NPR3: variants seen among roughly 807,000 people sequenced by gnomAD.
NPR3 encodes the protein natriuretic peptide receptor 3, also known as atrial natriuretic peptide receptor 3.
A neutral mutation model predicts 54.5 loss-of-function variants in NPR3; 34 were observed. That is an observed-to-expected ratio of 0.62 (90% CI 0.47 to 0.83). The LOEUF is 0.83. Ranked by LOEUF, NPR3 falls within the 40% of genes least tolerant of loss-of-function variation. NPR3 has a pLI of 0.00. For missense variants in NPR3, 674 were observed against 720.8 expected (o/e 0.94, Z 0.74); for synonymous variants, 289 against 297.1 (o/e 0.97, Z 0.28).
At chr5:32,708,154 T>C (rs544141936), upstream of NPR3, among the ~76,000 whole-genome samples, 19 of 152,228 alleles carry the variant, frequency 1.2e-4, no homozygotes, top group African/African-American at 4.6e-4. Context: ...TCTTTCATTT[T>C]GCAGCATTTT....
At chr5:32,717,973 G>T (rs1365469138) in intron 1 of NPR3, among the ~76,000 whole-genome samples, 1 of 152,076 alleles carries the variant, frequency 6.6e-6, no homozygotes, top group Non-Finnish European at 1.5e-5. Flanking sequence ...TTCTTCTAGG[G>T]TTTTTTATGG....
At chr5:32,695,041 T>G (rs543132950) in intron 1 of NPR3, among the ~76,000 whole-genome samples, 1 of 152,328 alleles carries the variant, frequency 6.6e-6, no homozygotes, top group South Asian at 2.1e-4. Flanking sequence ...AGGATCTCAT[T>G]CTTTATTATG....
intron 3 of NPR3, among the ~76,000 whole-genome samples, chr5:32,749,863 T>A (rs571554890): frequency 6.6e-6 from 1 of 152,300 alleles, no homozygotes; most frequent in African/African-American, 2.4e-5. Context: ...TTCTTCTCTG[T>A]ATAAGGTTAG....
chr5:32,778,860 A>T (rs749963220), intron 4 of NPR3, among the ~76,000 whole-genome samples: 6 of 152,228 alleles, frequency 3.9e-5, no homozygotes, highest in Admixed American at 6.5e-5. Flanking sequence ...GCTTAGCAGG[A>T]CACAACATCA....
intron 3 of NPR3, among the ~76,000 whole-genome samples, chr5:32,762,907 A>G (rs957172350): frequency 6.6e-6 from 1 of 152,180 alleles, no homozygotes; most frequent in Non-Finnish European, 1.5e-5. Flanking sequence ...GTCTTTGCCC[A>G]TGCCTATGTC....
At position 32,712,195 on chromosome 5, in the gene NPR3, C is replaced by T; in HGVS notation, c.419C>T (p.Ala140Val). The change falls in exon 1 of 8, where the codon GCA becomes GTA. Residue 140 changes from alanine (A) to valine (V), a missense_variant. Ala to Val is a moderately conservative substitution (Grantham distance 64). Transcript: ENST00000265074. ...LILGPVCEYA[A>V]APVARLASHW... Reference sequence around the variant, plus strand: ...CTGGGGCCAGTGTGCGAGTATGCAGCAGCGCCAGTGGCCCGGCTTGCATCG... The same window carrying T: ...CTGGGGCCAGTGTGCGAGTATGCAGTAGCGCCAGTGGCCCGGCTTGCATCG... 3 of 1,612,902 alleles carry T rather than the reference C, an allele frequency of 1.9e-6. No homozygotes were observed. Among genetic ancestry groups the T allele is most frequent in the Non-Finnish European group, 2.5e-6 (3 of 1,179,672 alleles).
Position 32,712,012 on chromosome 5 carries a change from C to A in NPR3, c.236C>A (p.Ala79Asp). Residue 79 changes from alanine (A) to aspartate (D), a missense_variant, in exon 1 of 8, where the codon GCT (alanine) becomes GAT (aspartate). Ala to Asp is a moderately radical substitution (Grantham distance 126). Transcript: ENST00000265074. ...LTRVRPAIEY[A>D]LRSVEGNGTG... ...CGGGTGCGGCCGGCCATCGAGTATGCTCTGCGCAGCGTGGAGGGCAACGGG... is the reference window on the plus strand; with the variant it reads ...CGGGTGCGGCCGGCCATCGAGTATGATCTGCGCAGCGTGGAGGGCAACGGG... 6.2e-7 allele frequency: 1 copy of A among 1,613,558 alleles called. No homozygotes were observed. Among genetic ancestry groups the A allele is most frequent in the Non-Finnish European group, 8.5e-7 (1 of 1,179,682 alleles).
intron 4 of NPR3, among the ~76,000 whole-genome samples, chr5:32,779,546 A>T (rs1457554730): frequency 6.6e-6 from 1 of 152,162 alleles, no homozygotes; most frequent in Non-Finnish European, 1.5e-5. Context: ...TCTTCCCAGA[A>T]ATCTCACAAT....
chr5:32,742,500 G>A (rs1480531740), intron 3 of NPR3, among the ~76,000 whole-genome samples: 1 of 151,904 alleles, frequency 6.6e-6, no homozygotes, highest in Non-Finnish European at 1.5e-5. Flanking sequence ...ATATAATTAA[G>A]TATATGTATG....
In NPR3 at chr5:32,789,324, C is replaced by T. The variant is rs1446852649; in HGVS notation, c.*2979C>T. ...GTAGGGGGAGACTCAGAAATAAAAG[C>T]GTTCCCCAGATAACTTCAATCTGGA... On this transcript the variant is annotated 3_prime_UTR_variant, in exon 8 of 8. Coordinates refer to ENST00000265074, the MANE Select transcript of NPR3 (RefSeq NM_001204375.2). 18 of 435,674 alleles carry T rather than the reference C, an allele frequency of 4.1e-5. No individual in the cohort carries two copies. Among genetic ancestry groups the T allele is most frequent in the South Asian group, 5.7e-5 (3 of 52,546 alleles). 27.0% of individuals were successfully genotyped at this position (435,674 alleles called of 1,614,324 possible).
chr5:32,784,993 A>G, intron 7 of NPR3, 110 bp downstream of exon 7: 1 of 893,980 alleles, frequency 1.1e-6, no homozygotes, highest in Non-Finnish European at 1.8e-6. Flanking sequence ...CCCAGGAAGC[A>G]CGGTGGTTAA....
chr5:32,789,619 C>T lies in NPR3; in HGVS notation c.*3274C>T, dbSNP rs752521881. ...TGCTTTGGAATGCCCTCACTTCTCCCTATTCACAGGCTTCTAAAATCATTA... is the reference window on the plus strand; with the variant it reads ...TGCTTTGGAATGCCCTCACTTCTCCTTATTCACAGGCTTCTAAAATCATTA... On this transcript the variant is annotated 3_prime_UTR_variant, in exon 8 of 8. Transcript: ENST00000265074. 2 of 534,772 alleles carry T rather than the reference C, an allele frequency of 3.7e-6. No individual in the cohort carries two copies. The highest frequency in any genetic ancestry group is 1.4e-5 in the South Asian group (1 of 71,594). 33.1% of individuals were successfully genotyped at this position (534,772 alleles called of 1,614,324 possible). A position where few individuals can be genotyped will look rare whatever the true frequency, so the allele number is the denominator to read the frequency against.
intron 4 of NPR3, among the ~76,000 whole-genome samples, chr5:32,779,585 T>C (rs1742233807): frequency 2.6e-5 from 4 of 152,168 alleles, no homozygotes; most frequent in African/African-American, 9.7e-5. Context: ...CCTCTGTGCC[T>C]TGGCAGATAC....
At chr5:32,716,365 C>T (rs940390591) in intron 1 of NPR3, 1 of 426,174 alleles carries the variant, frequency 2.3e-6, no homozygotes. Context: ...TAATAACATG[C>T]TACTTTTTTT....
chr5:32,705,397 A>C (rs1405746482), upstream of NPR3, among the ~76,000 whole-genome samples: 1 of 152,216 alleles, frequency 6.6e-6, no homozygotes, highest in African/African-American at 2.4e-5. Flanking sequence ...GTAATTTATA[A>C]AGAAAAGAGG....
At chr5:32,771,676 T>C (rs559519811) in intron 3 of NPR3, among the ~76,000 whole-genome samples, 1 of 152,270 alleles carries the variant, frequency 6.6e-6, no homozygotes, top group East Asian at 1.9e-4. Context: ...GGATGGGTGA[T>C]GCCCGGTGGC....
chr5:32,702,831 C>T (rs907319006), intron 1 of NPR3, among the ~76,000 whole-genome samples: 30 of 152,230 alleles, frequency 2.0e-4, no homozygotes, highest in African/African-American at 6.7e-4. Context: ...CCTGAGGAAT[C>T]GCCACACTGA....
chr5:32,774,601 G>A (rs1741943085), intron 3 of NPR3, 107 bp from the exon 4 acceptor site: 1 of 819,970 alleles, frequency 1.2e-6, no homozygotes, highest in Non-Finnish European at 2.1e-6. Flanking sequence ...CCTCTGCCAT[G>A]GCTAACAGAC....
chr5:32,778,648 T>C (rs1014809726), intron 4 of NPR3, among the ~76,000 whole-genome samples: 19 of 152,210 alleles, frequency 1.2e-4, no homozygotes, highest in African/African-American at 4.6e-4. Flanking sequence ...GTGGAAAGTC[T>C]CATTACTTAT....
Sources: gnomAD v4.1 joint callset for allele counts (sites outside exome capture counted in the v4.1 genomes callset) on GRCh38, gnomAD v4.1.1 for gene constraint, MANE v1.5 for transcripts, NCBI Gene and HGNC (gene_info 2026-07-23, HGNC 2026-07-21) for gene names.